TNS3: variants seen among roughly 807,000 people sequenced by gnomAD.
The protein encoded by TNS3 is tensin 3.
Under a neutral mutation model 140.9 loss-of-function variants are expected in TNS3, and 45 were observed. The observed-to-expected ratio is 0.32, with a 90% CI of 0.25 to 0.41. The LOEUF (loss-of-function observed/expected upper bound fraction) is 0.41. Ranked by LOEUF, TNS3 falls within the 10% of genes least tolerant of loss-of-function variation. TNS3 has a pLI of 1.00. For missense variants in TNS3, 1,716 were observed against 1,906.7 expected (o/e 0.90, Z 1.86); for synonymous variants, 815 against 788.4 (o/e 1.03, Z -0.56).
intron 17 of TNS3, among the ~76,000 whole-genome samples, chr7:47,353,862 T>G (rs1324273484): frequency 1.3e-5 from 2 of 152,082 alleles, no homozygotes; most frequent in African/African-American, 4.8e-5. Context: ...GCCAGCAGTG[T>G]AGCCTCAGGT....
chr7:47,303,063 G>A lies in TNS3; in HGVS notation c.3344C>T (p.Ser1115Phe). Residue 1115 changes from serine (S) to phenylalanine (F), a missense_variant, in exon 22 of 31, where the codon TCT becomes TTT. Transcript: ENST00000311160. ...SEGDRSLGSV[S>F]PSSSGFSSPH... is the part of the protein sequence containing the mutation. ...GCTGGAGAAGCCACTGGAGGAGGGA[G>A]AGACTGAGCCCAAAGAACGATCCCC... 1 of 1,614,232 alleles carries A rather than the reference G, an allele frequency of 6.2e-7. No homozygotes were observed. Among genetic ancestry groups the A allele is most frequent in the South Asian group, 1.1e-5 (1 of 91,090 alleles).
rs145899232 is a variant in TNS3, at chr7:47,459,527, C to T, written c.-75-17472G>A. ...TCTCTGCAAGCACCTTCATCCCCTC[C>T]CAGGTCAGTCTCAGGCCCCAAGTGG... On this transcript the variant is annotated intron_variant, in intron 4 of 30. Coordinates refer to ENST00000311160, the MANE Select transcript of TNS3 (RefSeq NM_022748.12). Among the ~76,000 whole-genome samples, 18 of 152,228 alleles carry T rather than the reference C, an allele frequency of 1.2e-4. No homozygotes were observed. In the East Asian group the frequency reaches 3.3e-3, roughly 28 times the overall value.
intron 2 of TNS3, among the ~76,000 whole-genome samples, chr7:47,524,695 G>C (rs113362917): frequency 1.3e-5 from 2 of 148,764 alleles, no homozygotes; most frequent in Non-Finnish European, 3.0e-5. Flanking sequence ...CCAGCTACTC[G>C]GGAGGCTGAG....
intron 20 of TNS3, among the ~76,000 whole-genome samples, chr7:47,326,529 G>T (rs1014248161): frequency 1.1e-4 from 16 of 152,038 alleles, no homozygotes; most frequent in Non-Finnish European, 2.9e-5. Context: ...CCCTGTCACT[G>T]AGGTTCCCCC....
intron 20 of TNS3, among the ~76,000 whole-genome samples, chr7:47,338,459 A>C (rs1165896464): frequency 6.6e-6 from 1 of 152,212 alleles, no homozygotes; most frequent in Non-Finnish European, 1.5e-5. Flanking sequence ...ACGTGCTCAT[A>C]AGCCACCTCT....
intron 1 of TNS3, among the ~76,000 whole-genome samples, chr7:47,547,999 C>A (rs919770368): frequency 1.3e-5 from 2 of 152,222 alleles, no homozygotes; most frequent in African/African-American, 4.8e-5. Flanking sequence ...CTCCCAGGTG[C>A]AGACGTTTCT....
At chr7:47,400,628 TC>T (rs1793101430) in intron 14 of TNS3, among the ~76,000 whole-genome samples, 156 bp downstream of exon 14, 1 of 152,000 alleles carries the variant, frequency 6.6e-6, no homozygotes, top group African/African-American at 2.4e-5. Flanking sequence ...ATAATTTTTT[TC>T]CCCCAGGGAT....
chr7:47,475,382 G>A (rs796890478), intron 4 of TNS3, among the ~76,000 whole-genome samples: 12 of 152,376 alleles, frequency 7.9e-5, no homozygotes, highest in African/African-American at 2.9e-4. Context: ...ATCACAGCGT[G>A]AGTGCAGGCA....
chr7:47,373,690 C>G (rs757984252), intron 16 of TNS3, among the ~76,000 whole-genome samples: 78 of 152,236 alleles, frequency 5.1e-4, no homozygotes, highest in Non-Finnish European at 9.7e-4. Context: ...GGAACTCAGG[C>G]TCACTGAGGG....
intron 3 of TNS3, among the ~76,000 whole-genome samples, chr7:47,504,234 G>C (rs970422745): frequency 6.6e-5 from 10 of 152,284 alleles, no homozygotes; most frequent in African/African-American, 2.2e-4. Flanking sequence ...CCCAACGATG[G>C]CTCTGCCTCC....
intron 3 of TNS3, among the ~76,000 whole-genome samples, chr7:47,485,652 C>T (rs1466356432): frequency 6.6e-6 from 1 of 152,258 alleles, no homozygotes; most frequent in East Asian, 1.9e-4. Context: ...CCCCGGGATC[C>T]GTCCCTCCCA....
intron 13 of TNS3, among the ~76,000 whole-genome samples, chr7:47,406,138 T>G (rs756996864): frequency 6.6e-6 from 1 of 152,130 alleles, no homozygotes; most frequent in African/African-American, 2.4e-5. Context: ...TTACTAAACC[T>G]CTTGAGGTTC....
intron 20 of TNS3, among the ~76,000 whole-genome samples, chr7:47,334,375 CT>C (rs1788506242): frequency 6.6e-6 from 1 of 152,124 alleles, no homozygotes; most frequent in Non-Finnish European, 1.5e-5. Flanking sequence ...AACTGCTAAT[CT>C]TTTTCACTGA....
At chr7:47,521,119 G>A (rs1227686043) in intron 2 of TNS3, among the ~76,000 whole-genome samples, 1 of 152,148 alleles carries the variant, frequency 6.6e-6, no homozygotes, top group Non-Finnish European at 1.5e-5. Context: ...CGGCCCAGGG[G>A]AGCAGATAGA....
chr7:47,387,889 C>T (rs1221216825), intron 16 of TNS3, among the ~76,000 whole-genome samples: 1 of 152,210 alleles, frequency 6.6e-6, no homozygotes, highest in Admixed American at 6.5e-5. Context: ...GTCCCAGCCT[C>T]GTTCTCTCTC....
At chr7:47,435,553 G>A (rs1795137962) in intron 7 of TNS3, 149 bp from the exon 8 acceptor site, 3 of 1,126,820 alleles carry the variant, frequency 2.7e-6, no homozygotes, top group Non-Finnish European at 3.9e-6. Flanking sequence ...TGAGCATGAG[G>A]ATCAACTTCC....
intron 16 of TNS3, among the ~76,000 whole-genome samples, chr7:47,377,004 G>A (rs954338623): frequency 2.6e-5 from 4 of 152,088 alleles, no homozygotes; most frequent in African/African-American, 9.7e-5. Flanking sequence ...CAGCCCCATC[G>A]GGGTCAGGAG....
intron 23 of TNS3, 53 bp from the exon 24 acceptor site, chr7:47,297,266 A>G: frequency 6.4e-7 from 1 of 1,560,528 alleles, no homozygotes; most frequent in Non-Finnish European, 8.7e-7. Context: ...ACAAAGGTCT[A>G]TGCCCACTCA....
At chr7:47,571,765 C>T (rs1800563523) in intron 1 of TNS3, among the ~76,000 whole-genome samples, 1 of 152,242 alleles carries the variant, frequency 6.6e-6, no homozygotes, top group African/African-American at 2.4e-5. Context: ...GGCCGCTCAC[C>T]AAGAGTCCTG....
Sources: allele counts gnomAD v4.1 joint callset (sites outside exome capture counted in the v4.1 genomes callset), GRCh38; gene constraint gnomAD v4.1.1; transcripts MANE v1.5; gene names NCBI Gene and HGNC (gene_info 2026-07-23, HGNC 2026-07-21).